DCC: variants seen among roughly 807,000 people sequenced by gnomAD.
The protein encoded by DCC is netrin receptor DCC.
In DCC, 58 loss-of-function variants were observed where a neutral mutation model predicts 172.5. That is an observed-to-expected ratio of 0.34 (90% confidence interval 0.27 to 0.42). The LOEUF (loss-of-function observed/expected upper bound fraction) is 0.42, where lower values mean the gene tolerates loss of function less well. Among genes scored for constraint, DCC ranks in the 10% least tolerant of loss-of-function variants. The pLI is 1.00. For missense variants in DCC, 1,740 were observed against 1,791.0 expected, an observed-to-expected ratio of 0.97 and a Z score of 0.51; for synonymous variants, 709 against 644.5, an observed-to-expected ratio of 1.10 and a Z score of -1.52.
chr18:53,344,490 T>A lies in DCC; in HGVS notation c.2359+4583T>A, dbSNP rs1383978292. Reference sequence around the variant, plus strand: ...CACAGTCTCACTTTGTTGCCCAGGCTGGAGTGCAGTGGTGTGATCTTGGCT... The same window carrying A: ...CACAGTCTCACTTTGTTGCCCAGGCAGGAGTGCAGTGGTGTGATCTTGGCT... On this transcript the variant is annotated intron_variant, in intron 15 of 28. Coordinates refer to ENST00000442544, the MANE Select transcript of DCC (RefSeq NM_005215.4). 2.1e-5 allele frequency among the ~76,000 whole-genome samples: 3 copies of A among 141,026 alleles called. No homozygotes were observed. In the Admixed American group the frequency reaches 2.4e-4, roughly 11 times the overall value. 92.5% of individuals were successfully genotyped at this position (141,026 alleles called of 152,430 possible).
At chr18:53,206,738 T>C (rs2055655003) in intron 10 of DCC, among the ~76,000 whole-genome samples, 1 of 150,030 alleles carries the variant, frequency 6.7e-6, no homozygotes. Flanking sequence ...GGAAAATATA[T>C]ACAGACATGT....
intron 12 of DCC, among the ~76,000 whole-genome samples, chr18:53,261,429 G>A (rs140119186): frequency 6.6e-6 from 1 of 152,114 alleles, no homozygotes. Flanking sequence ...CAGCTATTTG[G>A]CCAGGGCTCA....
At chr18:52,857,386 C>T (rs1295245074) in intron 2 of DCC, among the ~76,000 whole-genome samples, 5 of 152,120 alleles carry the variant, frequency 3.3e-5, no homozygotes, top group Non-Finnish European at 7.4e-5. Flanking sequence ...AGATGGTCCA[C>T]TTAACTAGGG....
At chr18:53,241,779 G>C (rs1168422973) in intron 12 of DCC, among the ~76,000 whole-genome samples, 1 of 152,122 alleles carries the variant, frequency 6.6e-6, no homozygotes, top group African/African-American at 2.4e-5. Flanking sequence ...GTCTGGTATG[G>C]GGAAGGCAGG....
chr18:53,382,474 A>G (rs1907834632), intron 15 of DCC, among the ~76,000 whole-genome samples: 1 of 152,056 alleles, frequency 6.6e-6, no homozygotes, highest in African/African-American at 2.4e-5. Flanking sequence ...TTCAAAGTTC[A>G]TATATTCCAA....
chr18:53,287,129 C>T (rs992972399), intron 12 of DCC, among the ~76,000 whole-genome samples: 11 of 152,294 alleles, frequency 7.2e-5, no homozygotes, highest in Admixed American at 1.3e-4. Context: ...GCATTCACCT[C>T]TCATCTTCCA....
intron 1 of DCC, among the ~76,000 whole-genome samples, chr18:52,738,468 C>T (rs969730215): frequency 4.6e-5 from 7 of 151,974 alleles, no homozygotes; most frequent in Non-Finnish European, 7.4e-5. Flanking sequence ...AGAAAAGCCA[C>T]GTAAATATTT....
intron 14 of DCC, among the ~76,000 whole-genome samples, chr18:53,333,743 T>C (rs985640418): frequency 1.3e-5 from 2 of 152,202 alleles, no homozygotes; most frequent in Admixed American, 6.5e-5. Context: ...AGCAATAACA[T>C]GATCTTAATT....
chr18:52,904,309 T>C (rs1482440506), intron 2 of DCC, among the ~76,000 whole-genome samples: 1 of 152,216 alleles, frequency 6.6e-6, no homozygotes, highest in Non-Finnish European at 1.5e-5. Flanking sequence ...TTCAGCAGCT[T>C]GTACCTAACC....
At chr18:53,206,244 AATAC>A (rs947279087) in intron 10 of DCC, among the ~76,000 whole-genome samples, 8 of 116,584 alleles carry the variant, frequency 6.9e-5, no homozygotes, top group African/African-American at 1.9e-4. Context: ...TGTTATACAT[AATAC>A]ATATATACCA....
chr18:52,859,451 C>CA (rs1568150677), intron 2 of DCC, among the ~76,000 whole-genome samples: 1 of 152,118 alleles, frequency 6.6e-6, no homozygotes, highest in African/African-American at 2.4e-5. Flanking sequence ...AGCTCGTATA[C>CA]AATCTTGAGG....
chr18:53,005,679 G>C (rs570041609), intron 5 of DCC, among the ~76,000 whole-genome samples: 8 of 152,276 alleles, frequency 5.3e-5, no homozygotes, highest in African/African-American at 1.7e-4. Flanking sequence ...AGTGAGCTGA[G>C]ATCATGCCAC....
rs79829927 is a variant in DCC at position 52,549,826 on chromosome 18, T to G, written c.92-202228T>G. On this transcript the variant is annotated intron_variant, in intron 1 of 28. Transcript: ENST00000442544. ...CTTTTCCAGGCACTGCTTTTTTTTTTCCTTTACAGAAATTGTCTCATTTAT... is the reference window on the plus strand; with the variant it reads ...CTTTTCCAGGCACTGCTTTTTTTTTGCCTTTACAGAAATTGTCTCATTTAT... Among the ~76,000 whole-genome samples, 6 of 152,086 alleles carry G rather than the reference T, an allele frequency of 3.9e-5. No homozygotes were observed. The East Asian group carries it at 9.7e-4, about 24-fold the overall frequency.
chr18:52,640,991 C>T (rs1280596853), intron 1 of DCC, among the ~76,000 whole-genome samples: 1 of 150,616 alleles, frequency 6.6e-6, no homozygotes, highest in Non-Finnish European at 1.5e-5. Context: ...GTCACCAAAA[C>T]AGCATGGTAC....
chr18:53,040,170 T>C (rs2042149919), intron 5 of DCC, among the ~76,000 whole-genome samples: 1 of 151,982 alleles, frequency 6.6e-6, no homozygotes, highest in South Asian at 2.1e-4. Flanking sequence ...ATGCAGAAAT[T>C]CTTCTGATAA....
chr18:52,652,858 C>G (rs1391842520), intron 1 of DCC, among the ~76,000 whole-genome samples: 1 of 151,936 alleles, frequency 6.6e-6, no homozygotes, highest in Non-Finnish European at 1.5e-5. Flanking sequence ...GGCAGAGGAG[C>G]TTTCGTGGGT....
chr18:52,800,703 C>A (rs4940216), intron 2 of DCC, among the ~76,000 whole-genome samples: 87,234 of 152,098 alleles, frequency 0.57, 28,928 homozygotes, highest in East Asian at 0.88. Flanking sequence ...TAACGTATCA[C>A]CTTGTTTTCA....
At position 53,169,285 on chromosome 18, in the gene DCC, C is replaced by T. The variant is rs545819972; in HGVS notation, c.1419-9677C>T. On this transcript the variant is annotated intron_variant, in intron 8 of 28. Coordinates refer to ENST00000442544, the MANE Select transcript of DCC (RefSeq NM_005215.4). Reference sequence around the variant, plus strand: ...TCCAAGACACTTTAATCAAGTAACTCAAAGTTCTTAAAACTAGCATTCACA... The same window carrying T: ...TCCAAGACACTTTAATCAAGTAACTTAAAGTTCTTAAAACTAGCATTCACA... Among the ~76,000 whole-genome samples, 39 of 152,292 alleles carry T rather than the reference C, an allele frequency of 2.6e-4. 1 individual carries two copies. In the South Asian group the frequency reaches 6.0e-3, roughly 23 times the overall value.
chr18:52,777,430 G>A (rs757722216), intron 2 of DCC, among the ~76,000 whole-genome samples: 3 of 152,048 alleles, frequency 2.0e-5, no homozygotes, highest in Non-Finnish European at 2.9e-5. Flanking sequence ...CCTCCTCTGG[G>A]TGTCTTCCCC....
Sources: allele counts gnomAD v4.1 joint callset (sites outside exome capture counted in the v4.1 genomes callset), GRCh38; gene constraint gnomAD v4.1.1; transcripts MANE v1.5; gene names NCBI Gene and HGNC (gene_info 2026-07-23, HGNC 2026-07-21).